The following ACADSB variants were observed in gnomAD, a reference collection of about 807,000 sequenced individuals.
The protein encoded by ACADSB is short/branched chain specific acyl-CoA dehydrogenase, mitochondrial.
Under a neutral mutation model 54.1 loss-of-function variants are expected in ACADSB, and 40 were observed. The observed-to-expected ratio is 0.74, with a 90% CI of 0.57 to 0.96. ACADSB has a LOEUF of 0.96. Among genes scored for constraint, ACADSB ranks in the 40% least tolerant of loss-of-function variants. The pLI, the probability that ACADSB is intolerant of heterozygous loss-of-function variation, is 0.00. For synonymous variants in ACADSB, 182 were observed against 182.8 expected, an observed-to-expected ratio of 1.00 and a Z score of 0.03; for missense variants, 530 against 510.4, an observed-to-expected ratio of 1.04 and a Z score of -0.37.
At position 123,045,143 on chromosome 10, in the gene ACADSB, A is replaced by ATTTTTT. The variant is rs1850535710; in HGVS notation, c.900+659_900+660insTTTTTT. 1.3e-4 allele frequency among the ~76,000 whole-genome samples: 2 copies of ATTTTTT among 15,370 alleles called. 1 individual carries two copies. 10.1% of individuals were successfully genotyped at this position (15,370 alleles called of 152,430 possible). On this transcript the variant is annotated intron_variant, in intron 7 of 10. Coordinates refer to ENST00000358776, the MANE Select transcript of ACADSB (RefSeq NM_001609.4). ...AGTTTTGTAGAGTGTATATATATAT[A>ATTTTTT]TATATATATATATATATATATATAT...
intron 1 of ACADSB, among the ~76,000 whole-genome samples, chr10:123,019,303 A>G (rs1034397132): frequency 1.3e-5 from 2 of 152,240 alleles, no homozygotes; most frequent in African/African-American, 4.8e-5. Context: ...CTGTCAACCT[A>G]AATAACAGAG....
intron 9 of ACADSB, among the ~76,000 whole-genome samples, chr10:123,051,471 T>C (rs1850632364): frequency 6.6e-6 from 1 of 152,078 alleles, no homozygotes; most frequent in South Asian, 2.1e-4. Context: ...CTGTGAGGTC[T>C]CCATGTTTCG....
rs1286635718 is a variant in ACADSB at position 123,037,954 on chromosome 10, T to G, written c.303+107T>G. 3.4e-6 allele frequency: 3 copies of G among 883,016 alleles called. No individual in the cohort carries two copies. In the Admixed American group the frequency reaches 7.0e-5, roughly 21 times the overall value. The allele number at this position is 883,016 out of a possible 1,614,324, so 54.7% of individuals were successfully genotyped here. A position where few individuals can be genotyped will look rare whatever the true frequency, so the allele number is the denominator to read the frequency against. ...TCCCAGTCAAAATTATCTGTTTTCT[T>G]TTTTTGGTTGAAATCCTACTTGATA... is the stretch of plus-strand genomic sequence containing the variant. On this transcript the variant is annotated intron_variant, in intron 3 of 10. Transcript: ENST00000358776.
rs2133497790 is a variant in ACADSB at position 123,054,009 on chromosome 10, T to C, written c.*244T>C. On this transcript the variant is annotated 3_prime_UTR_variant, in exon 11 of 11. Transcript: ENST00000358776. ...AAGCACCTGTATTTTTTTCCAAAACTGTTTTTAAAGCTGTATACGCATACA... is the reference window on the plus strand; with the variant it reads ...AAGCACCTGTATTTTTTTCCAAAACCGTTTTTAAAGCTGTATACGCATACA... 1 of 582,194 alleles carries C rather than the reference T, an allele frequency of 1.7e-6. No homozygotes were observed. The highest frequency in any genetic ancestry group is 2.9e-5 in the East Asian group (1 of 34,192). The allele number at this position is 582,194 out of a possible 1,614,324, so 36.1% of individuals were successfully genotyped here.
intron 1 of ACADSB, among the ~76,000 whole-genome samples, chr10:123,018,277 A>G (rs1850134578): frequency 6.6e-6 from 1 of 152,162 alleles, no homozygotes; most frequent in African/African-American, 2.4e-5. Context: ...GTAATTTGGG[A>G]AAGAGAAATT....
At chr10:123,013,729 T>G (rs1850073096) in intron 1 of ACADSB, among the ~76,000 whole-genome samples, 1 of 152,166 alleles carries the variant, frequency 6.6e-6, no homozygotes, top group South Asian at 2.1e-4. Context: ...CGGCGCACCC[T>G]CCACAGCTGC....
At chr10:123,043,841 GT>G (rs1318996604) in intron 6 of ACADSB, among the ~76,000 whole-genome samples, 60 of 152,236 alleles carry the variant, frequency 3.9e-4, no homozygotes, top group African/African-American at 1.2e-3. Context: ...ACTAAGTATA[GT>G]TTTTTATTAT....
At chr10:123,035,933 T>C (rs9423253) in intron 2 of ACADSB, among the ~76,000 whole-genome samples, 2,526 of 152,302 alleles carry the variant, frequency 0.017, 78 homozygotes, top group East Asian at 0.14. Context: ...CCAATCTCCA[T>C]GTTTTAAGTT....
Position 123,025,712 on chromosome 10 carries a change from GT to G in ACADSB, c.43-8641del, listed in dbSNP as rs371859554. Among the ~76,000 whole-genome samples, 9 of 152,234 alleles carry G rather than the reference GT, an allele frequency of 5.9e-5. No homozygotes were observed. In the South Asian group the frequency reaches 1.9e-3, roughly 32 times the overall value. On this transcript the variant is annotated intron_variant, in intron 1 of 10. Transcript: ENST00000358776. ...GTATGCAGAAAAAGAAATACAAATG[GT>G]TTGTAGACATATGAAAACATGCTCA... is the stretch of plus-strand genomic sequence containing the variant.
chr10:123,023,490 A>G (rs1200973368), intron 1 of ACADSB, among the ~76,000 whole-genome samples: 2 of 152,212 alleles, frequency 1.3e-5, no homozygotes, highest in African/African-American at 4.8e-5. Flanking sequence ...ATACACACAC[A>G]CACACAAACA....
intron 1 of ACADSB, among the ~76,000 whole-genome samples, chr10:123,033,253 G>A (rs1256831318): frequency 6.6e-6 from 1 of 152,206 alleles, no homozygotes; most frequent in Non-Finnish European, 1.5e-5. Context: ...ACTGGCCAGT[G>A]TTTCTTGTTC....
chr10:123,041,482 CT>C, intron 5 of ACADSB, 103 bp downstream of exon 5: 1 of 1,207,666 alleles, frequency 8.3e-7, no homozygotes, highest in Non-Finnish European at 1.2e-6. Flanking sequence ...ATCTTGAACT[CT>C]TTAGTCTTCT....
intron 10 of ACADSB, 61 bp downstream of exon 10, chr10:123,053,221 G>T: frequency 2.9e-6 from 4 of 1,397,676 alleles, no homozygotes; most frequent in Non-Finnish European, 4.0e-6. Flanking sequence ...AGGTATTTTG[G>T]CTGTTTTATT....
chr10:123,034,639 TA>T, intron 2 of ACADSB, 124 bp downstream of exon 2: 1 of 1,051,628 alleles, frequency 9.5e-7, no homozygotes, highest in Non-Finnish European at 1.4e-6. Context: ...GCCTCCTGAA[TA>T]GCTGGAAAAA....
At chr10:123,053,278 T>C (rs1850657411) in intron 10 of ACADSB, 118 bp downstream of exon 10, 5 of 782,202 alleles carry the variant, frequency 6.4e-6, no homozygotes, top group African/African-American at 1.8e-5. Context: ...CTTCAGTATA[T>C]GTTTGGTGGC....
chr10:123,011,363 G>A (rs546383724), intron 1 of ACADSB, among the ~76,000 whole-genome samples: 2 of 152,258 alleles, frequency 1.3e-5, no homozygotes, highest in East Asian at 3.9e-4. Flanking sequence ...CAATCAGATT[G>A]CAATGCTGAC....
chr10:123,044,505 T>G lies in ACADSB; in HGVS notation c.900+20T>G. 1.1e-5 allele frequency: 17 copies of G among 1,571,012 alleles called. No individual in the cohort carries two copies. Among genetic ancestry groups the G allele is most frequent in the Non-Finnish European group, 1.1e-5 (13 of 1,140,944 alleles). On this transcript the variant is annotated intron_variant, in intron 7 of 10. Coordinates refer to ENST00000358776, the MANE Select transcript of ACADSB (RefSeq NM_001609.4). ...GCACAGGTAAGTCAGATTTAAACTC[T>G]TCCATGATGTGAGTCAATTAAACTG...
At chr10:123,024,745 C>T (rs1359958568) in intron 1 of ACADSB, among the ~76,000 whole-genome samples, 2 of 152,152 alleles carry the variant, frequency 1.3e-5, no homozygotes, top group Non-Finnish European at 2.9e-5. Context: ...GCAAGCAGCT[C>T]GTGGGGCTGG....
At chr10:123,034,664 T>G in intron 2 of ACADSB, 149 bp downstream of exon 2, 1 of 820,830 alleles carries the variant, frequency 1.2e-6, no homozygotes, top group Non-Finnish European at 2.0e-6. Context: ...CACCTTATTA[T>G]TCCTCTGGTC....
Sources: gnomAD v4.1 joint callset for allele counts (sites outside exome capture counted in the v4.1 genomes callset) on GRCh38, gnomAD v4.1.1 for gene constraint, MANE v1.5 for transcripts, NCBI Gene and HGNC (gene_info 2026-07-23, HGNC 2026-07-21) for gene names.